Variants in SUCLG2 observed in about 807,000 individuals in gnomAD.
The protein encoded by SUCLG2 is succinate-CoA ligase GDP-forming subunit beta, also known as succinate--CoA ligase [GDP-forming] subunit beta, mitochondrial.
SUCLG2 carries 42 observed loss-of-function variants against 47.9 expected under a neutral mutation model. That is an observed-to-expected ratio of 0.88 (90% confidence interval 0.69 to 1.14). The LOEUF (loss-of-function observed/expected upper bound fraction) is 1.14, where lower values mean the gene tolerates loss of function less well. Ranked by LOEUF, SUCLG2 falls within the 50% of genes most tolerant of loss-of-function variation. The probability of loss-of-function intolerance (pLI) is 0.00; values close to 1 mark genes in which losing one functional copy is unlikely to be tolerated. For synonymous variants in SUCLG2, 195 were observed against 197.3 expected (o/e 0.99, Z 0.10); for missense variants, 571 against 525.9 (o/e 1.09, Z -0.84).
chr3:67,408,600 C>G (rs1702867456), intron 9 of SUCLG2: 4 of 994,052 alleles, frequency 4.0e-6, no homozygotes, highest in Non-Finnish European at 4.8e-6. Context: ...TCAGGGGAAC[C>G]TAGGGAAATG....
intron 10 of SUCLG2, among the ~76,000 whole-genome samples, chr3:67,391,589 T>C (rs1304062456): frequency 6.6e-6 from 1 of 152,194 alleles, no homozygotes; most frequent in Non-Finnish European, 1.5e-5. Flanking sequence ...CTTTACCTCC[T>C]ATCAAAAAGG....
At chr3:67,385,724 T>C (rs1281289589) in intron 10 of SUCLG2, among the ~76,000 whole-genome samples, 1 of 152,200 alleles carries the variant, frequency 6.6e-6, no homozygotes, top group Non-Finnish European at 1.5e-5. Context: ...CACAATAAGG[T>C]GCATCCTCCA....
At chr3:67,537,825 T>C (rs1706587557) in intron 2 of SUCLG2, among the ~76,000 whole-genome samples, 2 of 152,224 alleles carry the variant, frequency 1.3e-5, no homozygotes, top group Non-Finnish European at 2.9e-5. Context: ...AGACCAGTGA[T>C]GATAAGCTTT....
At chr3:67,582,539 C>T (rs1707908414) in intron 2 of SUCLG2, among the ~76,000 whole-genome samples, 1 of 152,140 alleles carries the variant, frequency 6.6e-6, no homozygotes, top group South Asian at 2.1e-4. Context: ...TAAGTTGATT[C>T]CATGTCTTTG....
intron 10 of SUCLG2, among the ~76,000 whole-genome samples, chr3:67,392,928 C>T (rs1355583109): frequency 1.3e-5 from 2 of 152,038 alleles, no homozygotes; most frequent in Non-Finnish European, 2.9e-5. Context: ...AATCCTCCTG[C>T]CTCAGTCTCC....
intron 10 of SUCLG2, among the ~76,000 whole-genome samples, chr3:67,366,300 A>T (rs1378158541): frequency 2.6e-5 from 4 of 152,046 alleles, no homozygotes; most frequent in African/African-American, 9.7e-5. Context: ...TCTCTACTAA[A>T]CACACTGCAC....
At chr3:67,395,879 G>A (rs558519212) in intron 10 of SUCLG2, among the ~76,000 whole-genome samples, 27 of 152,116 alleles carry the variant, frequency 1.8e-4, no homozygotes, top group South Asian at 6.2e-4. Flanking sequence ...ACTCAAAACC[G>A]CTCAACTACA....
intron 1 of SUCLG2, among the ~76,000 whole-genome samples, chr3:67,652,894 T>G (rs1701312012): frequency 6.6e-6 from 1 of 152,206 alleles, no homozygotes; most frequent in Admixed American, 6.5e-5. Context: ...TACCTTTCTA[T>G]CTTTAAAAAA....
intron 2 of SUCLG2, among the ~76,000 whole-genome samples, chr3:67,586,397 G>A (rs1029943489): frequency 5.3e-5 from 8 of 152,154 alleles, no homozygotes; most frequent in African/African-American, 1.9e-4. Context: ...TGCAAATGAT[G>A]TGTTTCATTT....
At chr3:67,411,084 C>G (rs1204465489) in intron 9 of SUCLG2, among the ~76,000 whole-genome samples, 1 of 152,020 alleles carries the variant, frequency 6.6e-6, no homozygotes, top group African/African-American at 2.4e-5. Flanking sequence ...GTGAAGGATC[C>G]ATTTATTAAT....
chr3:67,422,501 A>AAAAAAAAG (rs1703189796), intron 9 of SUCLG2, among the ~76,000 whole-genome samples: 2 of 146,136 alleles, frequency 1.4e-5, no homozygotes, highest in African/African-American at 4.9e-5. Flanking sequence ...AAAAAAAAAA[A>AAAAAAAAG]AAGAACATTC....
At chr3:67,550,407 A>G (rs1367827799) in intron 2 of SUCLG2, among the ~76,000 whole-genome samples, 1 of 152,070 alleles carries the variant, frequency 6.6e-6, no homozygotes, top group Admixed American at 6.5e-5. Context: ...TGAAATGATC[A>G]TGGCTCACTG....
chr3:67,408,635 C>A, intron 9 of SUCLG2: 1 of 1,052,922 alleles, frequency 9.5e-7, no homozygotes, highest in Non-Finnish European at 1.1e-6. Flanking sequence ...CCAATCTGTC[C>A]TTATTCTGTC....
chr3:67,416,119 C>T (rs1703034434), intron 9 of SUCLG2, among the ~76,000 whole-genome samples: 1 of 152,214 alleles, frequency 6.6e-6, no homozygotes, highest in African/African-American at 2.4e-5. Flanking sequence ...ACCTGGCATA[C>T]TTCTTGACTG....
intron 4 of SUCLG2, among the ~76,000 whole-genome samples, chr3:67,527,127 A>C (rs1706275828): frequency 6.6e-6 from 1 of 152,368 alleles, no homozygotes; most frequent in Non-Finnish European, 1.5e-5. Flanking sequence ...CTAAATACTG[A>C]TAAATACAAC....
In SUCLG2 at chr3:67,491,527, G is replaced by T. The variant is rs9859605; in HGVS notation, c.1062+4271C>A. On this transcript the variant is annotated intron_variant, in intron 9 of 10. Transcript: ENST00000307227. Reference sequence around the variant, plus strand: ...TTATAGGTGCCTGCAACCACGCCTGGCTAATTTTTGCATTTTAAGTAGAGA... The same window carrying T: ...TTATAGGTGCCTGCAACCACGCCTGTCTAATTTTTGCATTTTAAGTAGAGA... 3.6e-3 allele frequency among the ~76,000 whole-genome samples: 551 copies of T among 152,072 alleles called. 3 individuals are homozygous for T. Among genetic ancestry groups the T allele is most frequent in the African/African-American group, 0.012 (518 of 41,506 alleles).
intron 4 of SUCLG2, among the ~76,000 whole-genome samples, chr3:67,525,027 A>G (rs1282786159): frequency 6.6e-6 from 1 of 152,244 alleles, no homozygotes; most frequent in African/African-American, 2.4e-5. Context: ...ATCCAATGCC[A>G]CTTGTAATTG....
rs1708045699 is a variant in SUCLG2 at position 67,587,174 on chromosome 3, C to T, written c.226+22281G>A. Among the ~76,000 whole-genome samples, 3 of 152,170 alleles carry T rather than the reference C, an allele frequency of 2.0e-5. No individual in the cohort carries two copies. In the South Asian group the frequency reaches 6.2e-4, roughly 32 times the overall value. ...ACTGAGCTAAAAATGATTACGTCTC[C>T]TAGCTTCCCTCGGTGACTGAGAGGC... On this transcript the variant is annotated intron_variant, in intron 2 of 10. Coordinates refer to ENST00000307227, the MANE Select transcript of SUCLG2 (RefSeq NM_003848.4).
chr3:67,508,669 C>G lies in SUCLG2; in HGVS notation c.757+138G>C, dbSNP rs1705705360. ...GAAATGTTCAACTGCATCATGGGAGCATTTCAAACTATGGCAGAAATTAAA... is the reference window on the plus strand; with the variant it reads ...GAAATGTTCAACTGCATCATGGGAGGATTTCAAACTATGGCAGAAATTAAA... On this transcript the variant is annotated intron_variant, in intron 7 of 10. Coordinates refer to ENST00000307227, the MANE Select transcript of SUCLG2 (RefSeq NM_003848.4). The G allele has an allele frequency of 2.5e-5, 17 of 667,774 alleles. 1 individual carries two copies. The South Asian group carries it at 3.4e-4, about 13-fold the overall frequency. 41.4% of individuals were successfully genotyped at this position (667,774 alleles called of 1,614,324 possible).
Sources: gnomAD v4.1 joint callset for allele counts (sites outside exome capture counted in the v4.1 genomes callset) on GRCh38, gnomAD v4.1.1 for gene constraint, MANE v1.5 for transcripts, NCBI Gene and HGNC (gene_info 2026-07-23, HGNC 2026-07-21) for gene names.